NOSTRIN: variants seen among roughly 807,000 people sequenced by gnomAD.
The protein encoded by NOSTRIN is BM247 homolog.
In NOSTRIN, 63 loss-of-function variants were observed where a neutral mutation model predicts 59.0. The observed-to-expected ratio is 1.07, with a 90% CI of 0.87 to 1.32. The LOEUF is 1.32. Among genes scored for constraint, NOSTRIN ranks in the 40% most tolerant of loss-of-function variants. The pLI is 0.00. For synonymous variants in NOSTRIN, 200 were observed against 165.4 expected (o/e 1.21, Z -1.61); for missense variants, 512 against 473.1 (o/e 1.08, Z -0.76).
At chr2:168,794,655 G>A (rs191797359), upstream of NOSTRIN, among the ~76,000 whole-genome samples, 12 of 152,272 alleles carry the variant, frequency 7.9e-5, no homozygotes, top group Admixed American at 3.9e-4. Context: ...CCAGCCCAGC[G>A]GATGATTTTT....
chr2:168,821,573 T>C (rs1046814909), intron 2 of NOSTRIN, among the ~76,000 whole-genome samples: 2 of 151,862 alleles, frequency 1.3e-5, no homozygotes, highest in Non-Finnish European at 2.9e-5. Context: ...TTCACCAGAG[T>C]AAACTAAAAC....
intron 1 of NOSTRIN, among the ~76,000 whole-genome samples, chr2:168,808,614 G>A (rs1685985142): frequency 6.6e-6 from 1 of 152,108 alleles, no homozygotes; most frequent in Non-Finnish European, 1.5e-5. Flanking sequence ...AAAATCCATA[G>A]CTTAATACTG....
intron 2 of NOSTRIN, 99 bp from the exon 3 acceptor site, chr2:168,824,535 G>A (rs1448453287): frequency 1.5e-6 from 1 of 689,544 alleles, no homozygotes; most frequent in Admixed American, 2.0e-5. Flanking sequence ...CTGGCCTCAA[G>A]TGATCTGCCT....
At chr2:168,840,572 G>T (rs74271846) in intron 7 of NOSTRIN, among the ~76,000 whole-genome samples, 9,413 of 150,618 alleles carry the variant, frequency 0.062, 608 homozygotes, top group Admixed American at 0.19. Flanking sequence ...GATATGTCCT[G>T]TGTAGGTCAT....
intron 2 of NOSTRIN, among the ~76,000 whole-genome samples, chr2:168,820,628 C>T (rs1025559626): frequency 6.7e-6 from 1 of 150,306 alleles, no homozygotes; most frequent in African/African-American, 2.5e-5. Flanking sequence ...ACAAGAAGTG[C>T]TGTGTGGTAG....
At chr2:168,856,559 A>T (rs1171749725) in intron 11 of NOSTRIN, 131 bp from the exon 12 acceptor site, 14 of 710,488 alleles carry the variant, frequency 2.0e-5, no homozygotes, top group Admixed American at 4.9e-5. Context: ...TGGGTGACAG[A>T]GCAAGACTCC....
At chr2:168,808,668 A>G (rs931593545) in intron 1 of NOSTRIN, among the ~76,000 whole-genome samples, 18 of 152,234 alleles carry the variant, frequency 1.2e-4, no homozygotes, top group Admixed American at 3.3e-4. Context: ...CACAGGACCT[A>G]TAAAGAAAAT....
chr2:168,861,344 A>G (rs993073286), intron 14 of NOSTRIN, among the ~76,000 whole-genome samples: 3 of 152,198 alleles, frequency 2.0e-5, no homozygotes, highest in Admixed American at 6.5e-5. Flanking sequence ...GTTAGCAGCC[A>G]TCTGACTTCA....
In NOSTRIN at chr2:168,811,665, CGTTTGCAATAAATG is replaced by C; in HGVS notation, c.113+17_113+30del. On this transcript the variant is annotated intron_variant, in intron 2 of 15. Transcript: ENST00000317647. ...TTCTTCAGCAAAGGTACAAAATGCA[CGTTTGCAATAAATG>C]GTTCTTCCTCTTTAGTTGTAGCAAG... 1 of 836,148 alleles carries C rather than the reference CGTTTGCAATAAATG, an allele frequency of 1.2e-6. No homozygotes were observed. The allele number at this position is 836,148 out of a possible 1,614,324, so 51.8% of individuals were successfully genotyped here.
chr2:168,861,019 T>C (rs752697906), intron 14 of NOSTRIN, 110 bp downstream of exon 14: 6 of 687,358 alleles, frequency 8.7e-6, no homozygotes, highest in African/African-American at 1.8e-5. Flanking sequence ...TTAAGGAAAT[T>C]TATATTTCCA....
chr2:168,863,917 ATT>A (rs556775882), intron 15 of NOSTRIN, among the ~76,000 whole-genome samples: 1 of 147,720 alleles, frequency 6.8e-6, no homozygotes, highest in African/African-American at 2.5e-5. Flanking sequence ...ATCTTTTTTT[ATT>A]TTTTTTTTTG....
intron 5 of NOSTRIN, among the ~76,000 whole-genome samples, chr2:168,830,067 T>C (rs1292898913): frequency 6.6e-6 from 1 of 152,216 alleles, no homozygotes; most frequent in Non-Finnish European, 1.5e-5. Context: ...GGACAGAACT[T>C]GATAGGAATT....
In NOSTRIN at chr2:168,862,018, C is replaced by T. The variant is rs772341182; in HGVS notation, c.1353C>T (p.Ala451=). 1 of 1,614,154 alleles carries T rather than the reference C, an allele frequency of 6.2e-7. No homozygotes were observed. Among genetic ancestry groups the T allele is most frequent in the South Asian group, 1.1e-5 (1 of 91,086 alleles). The part of the protein sequence containing the change: ...RLCKALYSFQ[A]RQDDELNLEK... The stretch of plus-strand genomic sequence containing the variant: ...GCAAGGCCTTGTATTCTTTTCAAGC[C>T]AGGCAAGATGATGAGTTGAATTTGG... Residue 451 remains alanine, a synonymous_variant, in exon 15 of 16, where the codon GCC becomes GCT. Transcript: ENST00000317647.
At chr2:168,855,511 G>A in intron 11 of NOSTRIN, 51 bp downstream of exon 11, 5 of 1,029,964 alleles carry the variant, frequency 4.9e-6, no homozygotes, top group Non-Finnish European at 7.5e-6. Flanking sequence ...ATGATGCTCA[G>A]AGGTTTCATT....
At chr2:168,803,513 A>G (rs1158833630) in intron 1 of NOSTRIN, among the ~76,000 whole-genome samples, 2 of 152,160 alleles carry the variant, frequency 1.3e-5, no homozygotes, top group Admixed American at 6.5e-5. Flanking sequence ...ATAAAGTCAT[A>G]AAGAAAAAGA....
chr2:168,829,823 G>A (rs1024286462), intron 5 of NOSTRIN, among the ~76,000 whole-genome samples: 8 of 152,164 alleles, frequency 5.3e-5, no homozygotes, highest in African/African-American at 1.9e-4. Flanking sequence ...TGGTCCCTGT[G>A]AAGGGAAGGG....
chr2:168,830,376 T>TTA (rs1687295032), intron 5 of NOSTRIN, among the ~76,000 whole-genome samples: 1 of 152,150 alleles, frequency 6.6e-6, no homozygotes, highest in Non-Finnish European at 1.5e-5. Context: ...ATATAAAAGA[T>TTA]TAGATTTTAT....
At chr2:168,858,168 T>C (rs1005515808) in intron 12 of NOSTRIN, among the ~76,000 whole-genome samples, 1 of 152,246 alleles carries the variant, frequency 6.6e-6, no homozygotes, top group Non-Finnish European at 1.5e-5. Flanking sequence ...ATTACCAGCA[T>C]ACATGTATTA....
chr2:168,849,602 C>A (rs1422666590), intron 8 of NOSTRIN, among the ~76,000 whole-genome samples: 1 of 150,290 alleles, frequency 6.7e-6, no homozygotes, highest in Non-Finnish European at 1.5e-5. Flanking sequence ...GTAGTTCACC[C>A]GTCTCGGCCT....
Sources: gnomAD v4.1 joint callset for allele counts (sites outside exome capture counted in the v4.1 genomes callset) on GRCh38, gnomAD v4.1.1 for gene constraint, MANE v1.5 for transcripts, NCBI Gene and HGNC (gene_info 2026-07-23, HGNC 2026-07-21) for gene names.